The following TRAK1 variants were observed in gnomAD, a reference collection of about 807,000 sequenced individuals.
TRAK1 encodes trafficking kinesin protein 1, also known as trafficking kinesin-binding protein 1.
TRAK1 carries 33 observed loss-of-function variants against 92.1 expected under a neutral mutation model. That is an observed-to-expected ratio of 0.36 (90% confidence interval 0.27 to 0.48). TRAK1 has a LOEUF of 0.48. Among genes scored for constraint, TRAK1 ranks in the 20% least tolerant of loss-of-function variants. TRAK1 has a pLI of 0.99. For synonymous variants in TRAK1, 521 were observed against 517.3 expected (o/e 1.01, Z -0.10); for missense variants, 1,123 against 1,257.9 (o/e 0.89, Z 1.62).
At chr3:42,217,875 C>A in intron 14 of TRAK1, 1 of 985,234 alleles carries the variant, frequency 1.0e-6, no homozygotes, top group Non-Finnish European at 1.2e-6. Flanking sequence ...TTGCTTGTGG[C>A]AGTTTCTTAC....
rs150029451 is a variant in TRAK1 at position 42,156,924 on chromosome 3, C to T, written c.287-19890C>T. 5.4e-3 allele frequency among the ~76,000 whole-genome samples: 820 copies of T among 152,064 alleles called. 6 individuals carry two copies. Among genetic ancestry groups the T allele is most frequent in the Non-Finnish European group, 8.9e-3 (605 of 67,980 alleles). Reference sequence around the variant, plus strand: ...ATCCCAACACTTTGGGAGGCCGAGGCGAGTGGATCAGTTGAGGTCAGGAGT... The same window carrying T: ...ATCCCAACACTTTGGGAGGCCGAGGTGAGTGGATCAGTTGAGGTCAGGAGT... On this transcript the variant is annotated intron_variant, in intron 2 of 15. Coordinates refer to ENST00000327628, the MANE Select transcript of TRAK1 (RefSeq NM_001042646.3).
intron 2 of TRAK1, among the ~76,000 whole-genome samples, chr3:42,153,850 C>T (rs1230921602): frequency 6.6e-6 from 1 of 152,098 alleles, no homozygotes; most frequent in East Asian, 1.9e-4. Flanking sequence ...TACGTGTTGA[C>T]GCAAACAGAT....
intron 1 of TRAK1, among the ~76,000 whole-genome samples, chr3:42,097,558 T>G (rs1443656127): frequency 6.6e-6 from 1 of 152,198 alleles, no homozygotes; most frequent in African/African-American, 2.4e-5. Flanking sequence ...TGGAGGAATT[T>G]TTATTGTCTT....
intron 5 of TRAK1, 98 bp from the exon 6 acceptor site, chr3:42,188,918 T>C: frequency 1.2e-6 from 1 of 840,044 alleles, no homozygotes; most frequent in Non-Finnish European, 2.0e-6. Context: ...GGTGGGTCAT[T>C]GTCCTTCCTG....
At chr3:42,043,840 G>A (rs962662247) in intron 1 of TRAK1, among the ~76,000 whole-genome samples, 5 of 134,710 alleles carry the variant, frequency 3.7e-5, no homozygotes, top group Admixed American at 8.5e-5. Flanking sequence ...GGTCTCTTAA[G>A]AGCACTTGAT....
chr3:42,167,346 A>G (rs2149327224), intron 2 of TRAK1, among the ~76,000 whole-genome samples: 1 of 152,304 alleles, frequency 6.6e-6, no homozygotes, highest in East Asian at 1.9e-4. Context: ...TGTGACCTAA[A>G]CAGCCCAGGT....
intron 14 of TRAK1, chr3:42,219,138 C>T (rs1710050218): frequency 1.0e-6 from 1 of 985,354 alleles, no homozygotes; most frequent in Non-Finnish European, 1.2e-6. Flanking sequence ...AAGAAGACAG[C>T]AGGTTCTGAC....
chr3:42,219,263 G>C, intron 14 of TRAK1: 3 of 983,044 alleles, frequency 3.1e-6, no homozygotes, highest in Non-Finnish European at 3.6e-6. Context: ...AACCTAGTCT[G>C]GATTGGGTCG....
chr3:42,073,434 A>G (rs1172060273), intron 1 of TRAK1, among the ~76,000 whole-genome samples: 5 of 152,234 alleles, frequency 3.3e-5, no homozygotes, highest in African/African-American at 2.4e-5. Context: ...TCCCAGTCCT[A>G]CATCTACAAT....
At chr3:42,160,565 T>G in intron 2 of TRAK1, 1 of 1,283,432 alleles carries the variant, frequency 7.8e-7, no homozygotes, top group Non-Finnish European at 1.1e-6. Context: ...ACTGTTTTGT[T>G]TTTGTTTTTT....
chr3:42,027,064 G>A (rs1701949817), intron 1 of TRAK1, among the ~76,000 whole-genome samples: 1 of 152,028 alleles, frequency 6.6e-6, no homozygotes, highest in African/African-American at 2.4e-5. Context: ...GTTTCCTACT[G>A]TTTATTTCAA....
intron 1 of TRAK1, among the ~76,000 whole-genome samples, chr3:42,053,375 T>TGGGGGGGGGGGG (rs760432112): frequency 1.4e-4 from 7 of 50,668 alleles, no homozygotes; most frequent in Non-Finnish European, 2.4e-4. Flanking sequence ...CAGAGTCGGG[T>TGGGGGGGGGGGG]GGGGGGGGGG....
chr3:42,140,453 C>A (rs988809427), intron 2 of TRAK1, among the ~76,000 whole-genome samples: 3 of 152,094 alleles, frequency 2.0e-5, no homozygotes, highest in African/African-American at 7.2e-5. Flanking sequence ...ATGGTGAAAC[C>A]CCGTCTCTAC....
At chr3:42,170,125 C>G (rs1702365772) in intron 2 of TRAK1, among the ~76,000 whole-genome samples, 1 of 151,988 alleles carries the variant, frequency 6.6e-6, no homozygotes, top group Admixed American at 6.5e-5. Flanking sequence ...TAGGGATGGT[C>G]CCTGTATGTC....
At chr3:42,159,597 T>C (rs1701012037) in intron 2 of TRAK1, among the ~76,000 whole-genome samples, 1 of 152,230 alleles carries the variant, frequency 6.6e-6, no homozygotes, top group Non-Finnish European at 1.5e-5. Flanking sequence ...TAAATTTGGC[T>C]GTGGAAACAC....
chr3:42,018,266 TA>T (rs11289370), intron 1 of TRAK1, among the ~76,000 whole-genome samples: 134,341 of 146,122 alleles, frequency 0.92, 62,504 homozygotes, highest in South Asian at 0.99. Flanking sequence ...AGACCCCATC[TA>T]AAAAAAAAAA....
At chr3:42,117,976 C>T (rs1170123396) in intron 1 of TRAK1, among the ~76,000 whole-genome samples, 9 of 152,092 alleles carry the variant, frequency 5.9e-5, no homozygotes, top group East Asian at 5.8e-4. Flanking sequence ...CGTGCTGCCA[C>T]GCCCAGATAA....
chr3:42,190,853 C>T (rs918194270), intron 6 of TRAK1, among the ~76,000 whole-genome samples: 3 of 151,808 alleles, frequency 2.0e-5, no homozygotes, highest in South Asian at 4.2e-4. Context: ...AGTACAGTGG[C>T]GTGATCTTGG....
intron 2 of TRAK1, among the ~76,000 whole-genome samples, chr3:42,138,919 G>GTGTGTGTT (rs1410820792): frequency 6.8e-6 from 1 of 147,768 alleles, no homozygotes; most frequent in East Asian, 2.0e-4. Flanking sequence ...GTGTGTGTGT[G>GTGTGTGTT]TGTGTTTGGA....
Sources: gnomAD v4.1 joint callset for allele counts (sites outside exome capture counted in the v4.1 genomes callset) on GRCh38, gnomAD v4.1.1 for gene constraint, MANE v1.5 for transcripts, NCBI Gene and HGNC (gene_info 2026-07-23, HGNC 2026-07-21) for gene names.